PLA2R1: variants seen among roughly 807,000 people sequenced by gnomAD.
The protein encoded by PLA2R1 is secretory phospholipase A2 receptor.
In PLA2R1, 158 loss-of-function variants were observed where a neutral mutation model predicts 195.9. The observed-to-expected ratio is 0.81, with a 90% confidence interval of 0.71 to 0.92. The LOEUF (loss-of-function observed/expected upper bound fraction) is 0.92. Ranked by LOEUF, PLA2R1 falls within the 40% of genes least tolerant of loss-of-function variation. The pLI is 0.00. For synonymous variants in PLA2R1, 586 were observed against 598.2 expected (o/e 0.98, Z 0.30); for missense variants, 1,626 against 1,764.6 (o/e 0.92, Z 1.41).
chr2:159,967,434 A>C, intron 20 of PLA2R1, 105 bp downstream of exon 20: 1 of 909,900 alleles, frequency 1.1e-6, no homozygotes, highest in African/African-American at 1.7e-5. Context: ...TCCAGGTCCT[A>C]TGGACAACTC....
At position 160,016,712 on chromosome 2, in the gene PLA2R1, C is replaced by G; in HGVS notation, c.1453G>C (p.Glu485Gln). The G allele has an allele frequency of 6.7e-7, 1 of 1,503,354 alleles. No homozygotes were observed. Among genetic ancestry groups the G allele is most frequent in the Non-Finnish European group, 9.3e-7 (1 of 1,079,612 alleles). The allele number at this position is 1,503,354 out of a possible 1,614,324, so 93.1% of individuals were successfully genotyped here. A position where few individuals can be genotyped will look rare whatever the true frequency, so the allele number is the denominator to read the frequency against. ...SQLCVSAEQS[E>Q]GHWKVKNCEE... is the part of the protein sequence containing the mutation. ...CAATTTTTGACTTTCCAGTGTCCCT[C>G]CTACGGAGAAAAATGTTACAAGAGA... Residue 485 changes from glutamate (E) to glutamine (Q), a missense_variant and splice_region_variant, in exon 9 of 30, where the codon GAG (glutamate) becomes CAG (glutamine). Physicochemically the swap from Glu to Gln is conservative, Grantham distance 29. Transcript: ENST00000283243.
At position 160,022,683 on chromosome 2, in the gene PLA2R1, C is replaced by T; in HGVS notation, c.1276G>A (p.Val426Ile). ...ITSLAEVEFL[V>I]TLLGDENASE... ...GACTCACCATCTCCAAGGAGGGTTA[C>T]AAGAAACTCCACCTCTGCTAATGAG... Residue 426 changes from valine to isoleucine, a missense_variant, in exon 7 of 30, where the codon GTA becomes ATA. Val to Ile is a conservative substitution (Grantham distance 29). Transcript: ENST00000283243. 1 of 1,597,256 alleles carries T rather than the reference C, an allele frequency of 6.3e-7. No homozygotes were observed. The highest frequency in any genetic ancestry group is 1.1e-5 in the South Asian group (1 of 88,072).
At chr2:160,009,198 C>T (rs1280012458) in intron 10 of PLA2R1, among the ~76,000 whole-genome samples, 3 of 152,246 alleles carry the variant, frequency 2.0e-5, no homozygotes, top group South Asian at 4.1e-4. Flanking sequence ...AGCAATTTCA[C>T]TTATAGGCAT....
At chr2:159,930,252 C>G (rs557503906), downstream of PLA2R1, among the ~76,000 whole-genome samples, 156 of 152,026 alleles carry the variant, frequency 1.0e-3, 1 homozygote, top group African/African-American at 3.6e-3. Context: ...ACTAAAAATA[C>G]AAAAAATTAG....
rs1686784045 is a variant in PLA2R1, at chr2:159,935,612, C to T, written c.*6166G>A. 1 of 152,164 alleles carries T rather than the reference C, an allele frequency of 6.6e-6. No homozygotes were observed. The allele number at this position is 152,164 out of a possible 1,614,324, so 9.4% of individuals were successfully genotyped here. On this transcript the variant is annotated 3_prime_UTR_variant, in exon 30 of 30. Transcript: ENST00000283243. Reference sequence around the variant, plus strand: ...GTTCCTGTAGCCTTCAGACATGTGCCATCTTTTTGTGAGCACCTCCTTATT... The same window carrying T: ...GTTCCTGTAGCCTTCAGACATGTGCTATCTTTTTGTGAGCACCTCCTTATT...
chr2:160,034,498 T>G (rs17241282), intron 3 of PLA2R1, among the ~76,000 whole-genome samples: 2 of 152,084 alleles, frequency 1.3e-5, no homozygotes, highest in African/African-American at 4.8e-5. Flanking sequence ...AAGATTGTTT[T>G]CAGTTAAAAT....
intron 6 of PLA2R1, among the ~76,000 whole-genome samples, chr2:160,023,527 A>G (rs776982765): frequency 3.9e-5 from 6 of 152,216 alleles, no homozygotes; most frequent in Non-Finnish European, 8.8e-5. Flanking sequence ...CGAAAATTGT[A>G]TACCCCGTTC....
chr2:160,052,413 G>A (rs1312216808), intron 1 of PLA2R1, among the ~76,000 whole-genome samples: 2 of 152,164 alleles, frequency 1.3e-5, no homozygotes, highest in Non-Finnish European at 2.9e-5. Flanking sequence ...TCTCTCTTCC[G>A]TGATTCTTTG....
intron 2 of PLA2R1, 41 bp downstream of exon 2, chr2:160,044,733 A>G (rs1210550045): frequency 1.2e-5 from 19 of 1,562,906 alleles, no homozygotes; most frequent in Non-Finnish European, 1.5e-5. Flanking sequence ...CAAACCTTAA[A>G]AAAACACCAT....
rs188976947 is a variant in PLA2R1 at position 159,990,232 on chromosome 2, T to C, written c.1835-2874A>G. 3.1e-4 allele frequency among the ~76,000 whole-genome samples: 47 copies of C among 152,166 alleles called. 1 individual carries two copies. The highest frequency in any genetic ancestry group is 5.7e-4 in the Non-Finnish European group (39 of 67,968). On this transcript the variant is annotated intron_variant, in intron 11 of 29. Transcript: ENST00000283243. Reference sequence around the variant, plus strand: ...TCAGAGAAGTTGTTCTTAAATTTGATAACTCACTTCCCACTGGAGAAGAAA... The same window carrying C: ...TCAGAGAAGTTGTTCTTAAATTTGACAACTCACTTCCCACTGGAGAAGAAA...
downstream of PLA2R1, among the ~76,000 whole-genome samples, chr2:159,929,814 T>C (rs1463987487): frequency 7.3e-6 from 1 of 137,908 alleles, no homozygotes; most frequent in Non-Finnish European, 1.5e-5. Context: ...TATCTATATG[T>C]ATATGTATAT....
At chr2:159,997,275 T>C (rs1356548205) in intron 11 of PLA2R1, among the ~76,000 whole-genome samples, 2 of 152,026 alleles carry the variant, frequency 1.3e-5, no homozygotes, top group Non-Finnish European at 2.9e-5. Context: ...TCTCAGTTAT[T>C]TTTCCCTGCT....
chr2:159,990,170 G>C (rs1313023817), intron 11 of PLA2R1, among the ~76,000 whole-genome samples: 1 of 152,040 alleles, frequency 6.6e-6, no homozygotes, highest in Non-Finnish European at 1.5e-5. Context: ...AAATAATAAG[G>C]GTAAGGGTGT....
chr2:160,004,769 G>C (rs1171354350), intron 11 of PLA2R1, among the ~76,000 whole-genome samples: 1 of 152,192 alleles, frequency 6.6e-6, no homozygotes, highest in Non-Finnish European at 1.5e-5. Context: ...TTGTTCCACA[G>C]AGACTGGTTC....
In PLA2R1 at chr2:159,967,572, C is replaced by T. The variant is rs757049095; in HGVS notation, c.2871G>A (p.Thr957=). 1.2e-5 allele frequency: 20 copies of T among 1,613,474 alleles called. No homozygotes were observed. The highest frequency in any genetic ancestry group is 1.3e-5 in the African/African-American group (1 of 74,894). ...KKKDTPKQHG[T]CPKGWLYFNY... ...TAAAATATAGCCATCCTTTGGGACA[C>T]GTTCCATGTTGTTTTGGTGTATCTT... The change falls in exon 20 of 30, where the codon ACG becomes ACA. Residue 957 remains threonine (T), a synonymous_variant. Coordinates refer to ENST00000283243, the MANE Select transcript of PLA2R1 (RefSeq NM_007366.5).
intron 10 of PLA2R1, 31 bp from the exon 11 acceptor site, chr2:160,005,852 TAA>T: frequency 6.6e-7 from 1 of 1,513,614 alleles, no homozygotes; most frequent in Non-Finnish European, 9.2e-7. Flanking sequence ...GTGGTTACAT[TAA>T]GTTTCTGGGC....
intron 17 of PLA2R1, among the ~76,000 whole-genome samples, chr2:159,973,627 C>T (rs1689336090): frequency 6.6e-6 from 1 of 152,166 alleles, no homozygotes; most frequent in African/African-American, 2.4e-5. Context: ...AGTTTCCAGC[C>T]TCCAGGACTG....
Position 159,933,803 on chromosome 2 carries a change from G to C in PLA2R1, c.*7975C>G, listed in dbSNP as rs1686689812. On this transcript the variant is annotated 3_prime_UTR_variant, in exon 30 of 30. Transcript: ENST00000283243. ...AAAGTATGTAAGACTTCCCCATTTA[G>C]GTTTTCACTTTCTAAATCAGGGGTT... 1 of 152,212 alleles carries C rather than the reference G, an allele frequency of 6.6e-6. No homozygotes were observed. Among genetic ancestry groups the C allele is most frequent in the South Asian group, 2.1e-4 (1 of 4,832 alleles). The allele number at this position is 152,212 out of a possible 1,614,324, so 9.4% of individuals were successfully genotyped here.
chr2:159,951,811 T>C (rs1168743448), intron 23 of PLA2R1, among the ~76,000 whole-genome samples: 3 of 152,226 alleles, frequency 2.0e-5, no homozygotes, highest in Non-Finnish European at 4.4e-5. Context: ...GATTGAACCA[T>C]TTCTAGAAGA....
Sources: gnomAD v4.1 joint callset for allele counts (sites outside exome capture counted in the v4.1 genomes callset) on GRCh38, gnomAD v4.1.1 for gene constraint, MANE v1.5 for transcripts, NCBI Gene and HGNC (gene_info 2026-07-23, HGNC 2026-07-21) for gene names.